PLCB4: variants seen among roughly 807,000 people sequenced by gnomAD.
The protein encoded by PLCB4 is phospholipase C beta 4, also known as 1-phosphatidylinositol 4,5-bisphosphate phosphodiesterase beta-4.
PLCB4 carries 77 observed loss-of-function variants against 178.8 expected under a neutral mutation model. The observed-to-expected ratio is 0.43, with a 90% confidence interval of 0.36 to 0.52. The LOEUF is 0.52. PLCB4 is among the 20% of genes least tolerant of loss of function. PLCB4 has a pLI of 0.00. For synonymous variants in PLCB4, 496 were observed against 490.8 expected (o/e 1.01, Z -0.14); for missense variants, 1,024 against 1,453.4 (o/e 0.70, Z 4.80).
intron 2 of PLCB4, among the ~76,000 whole-genome samples, chr20:9,200,576 C>A (rs1406830231): frequency 6.6e-6 from 1 of 152,202 alleles, no homozygotes; most frequent in East Asian, 1.9e-4. Context: ...CAATCATTGT[C>A]TTTTTCTGTG....
At chr20:9,457,635 A>G (rs2122394867) in intron 34 of PLCB4, 146 bp downstream of exon 34, 3 of 622,038 alleles carry the variant, frequency 4.8e-6, no homozygotes, top group Non-Finnish European at 8.7e-6. Context: ...AGGGGAGCCC[A>G]GGGTTCATGT....
At chr20:9,346,943 C>T (rs886283291) in intron 7 of PLCB4, among the ~76,000 whole-genome samples, 2 of 152,184 alleles carry the variant, frequency 1.3e-5, no homozygotes, top group African/African-American at 4.8e-5. Flanking sequence ...CTCTGTGGCT[C>T]CTTCTTCCTT....
chr20:9,122,177 G>T (rs1299041810), intron 2 of PLCB4, among the ~76,000 whole-genome samples: 1 of 152,076 alleles, frequency 6.6e-6, no homozygotes. Context: ...TGTAAAAGTG[G>T]TGCTTGTCGT....
intron 2 of PLCB4, among the ~76,000 whole-genome samples, chr20:9,138,186 G>A (rs1261761427): frequency 6.6e-6 from 1 of 152,062 alleles, no homozygotes. Flanking sequence ...TTTCCTGGTG[G>A]CTTGAAGATT....
chr20:9,105,403 A>C (rs2091324339), intron 2 of PLCB4, among the ~76,000 whole-genome samples: 1 of 152,058 alleles, frequency 6.6e-6, no homozygotes. Flanking sequence ...GTAATACAAA[A>C]ATATCAGATT....
chr20:9,192,098 G>A (rs139328890), intron 2 of PLCB4, among the ~76,000 whole-genome samples: 1,811 of 152,134 alleles, frequency 0.012, 37 homozygotes, highest in African/African-American at 0.041. Context: ...CTATATAATT[G>A]TGTATTTAAA....
chr20:9,091,220 A>T (rs1390853828), intron 1 of PLCB4, among the ~76,000 whole-genome samples: 1 of 37,536 alleles, frequency 2.7e-5, no homozygotes, highest in Admixed American at 2.5e-4. Flanking sequence ...TGGTAGCTTT[A>T]AAAAAAAAAC....
chr20:9,356,302 A>T (rs2034816122), intron 7 of PLCB4, among the ~76,000 whole-genome samples: 1 of 152,054 alleles, frequency 6.6e-6, no homozygotes, highest in African/African-American at 2.4e-5. Context: ...GTTTAATTAG[A>T]TCCCATTTGT....
intron 2 of PLCB4, among the ~76,000 whole-genome samples, chr20:9,098,539 G>T (rs1241844958): frequency 6.6e-6 from 1 of 151,592 alleles, no homozygotes. Context: ...GGGTGACAGA[G>T]CCCAGGAGGC....
At chr20:9,254,591 C>T (rs1026757577) in intron 3 of PLCB4, among the ~76,000 whole-genome samples, 5 of 152,104 alleles carry the variant, frequency 3.3e-5, no homozygotes, top group East Asian at 1.9e-4. Context: ...CCAGCTTCTT[C>T]GGAGGCTGAG....
Position 9,473,290 on chromosome 20 carries a change from G to C in PLCB4, c.3420G>C (p.Lys1140Asn). ...TTTTTTTTTTGCAGCTTGCCATGAA[G>C]CAGTCCAAAGAAATGGATCAGTTGA... ...FLEERKRLAM[K>N]QSKEMDQLKK... Residue 1140 changes from lysine to asparagine, a missense_variant, in exon 38 of 40, where the codon AAG becomes AAC. This residue lies in a region of PLCB4 where 264 missense variants were observed against 283.2 expected (regional missense o/e 0.93). Transcript: ENST00000378473. 6.6e-7 allele frequency: 1 copy of C among 1,508,566 alleles called. No homozygotes were observed. The highest frequency in any genetic ancestry group is 9.0e-7 in the Non-Finnish European group (1 of 1,117,152). The allele number at this position is 1,508,566 out of a possible 1,614,324, so 93.4% of individuals were successfully genotyped here. A position where few individuals can be genotyped will look rare whatever the true frequency, so the allele number is the denominator to read the frequency against.
At chr20:9,108,339 A>G (rs1306974440) in intron 2 of PLCB4, among the ~76,000 whole-genome samples, 2 of 152,044 alleles carry the variant, frequency 1.3e-5, no homozygotes, top group Non-Finnish European at 2.9e-5. Flanking sequence ...GGGTGGGGAG[A>G]TAGGGAAGAA....
intron 2 of PLCB4, among the ~76,000 whole-genome samples, chr20:9,213,412 TG>T (rs1473023257): frequency 2.0e-5 from 3 of 152,138 alleles, no homozygotes; most frequent in Non-Finnish European, 4.4e-5. Context: ...CCCAAACTGT[TG>T]GGATTACAGG....
rs542927046 is a variant in PLCB4, at chr20:9,411,234, A to T, written c.2051+146A>T. 36 of 606,470 alleles carry T rather than the reference A, an allele frequency of 5.9e-5. 2 individuals carry two copies. The South Asian group carries it at 7.1e-4, about 12-fold the overall frequency. The allele number at this position is 606,470 out of a possible 1,614,324, so 37.6% of individuals were successfully genotyped here. ...TAGAAAGAAATGAAATACCTAGAGAATATTTGCACATATACATTCTTCATC... is the reference window on the plus strand; with the variant it reads ...TAGAAAGAAATGAAATACCTAGAGATTATTTGCACATATACATTCTTCATC... On this transcript the variant is annotated intron_variant, in intron 25 of 39. Transcript: ENST00000378473.
intron 3 of PLCB4, among the ~76,000 whole-genome samples, chr20:9,290,930 A>G (rs2094574944): frequency 6.6e-6 from 1 of 152,164 alleles, no homozygotes. Flanking sequence ...TCTGTATTTT[A>G]CAGACAAGGA....
chr20:9,383,809 A>T (rs1416351843), intron 13 of PLCB4, among the ~76,000 whole-genome samples: 1 of 152,204 alleles, frequency 6.6e-6, no homozygotes, highest in East Asian at 1.9e-4. Context: ...CTTGGAAGTC[A>T]GATAGGTCCA....
intron 2 of PLCB4, among the ~76,000 whole-genome samples, chr20:9,129,992 T>A (rs1018616032): frequency 2.0e-5 from 3 of 152,152 alleles, no homozygotes; most frequent in African/African-American, 4.8e-5. Flanking sequence ...TAGTTTGTTG[T>A]TCTTGGCTCA....
intron 1 of PLCB4, among the ~76,000 whole-genome samples, chr20:9,092,567 G>C (rs779007242): frequency 6.6e-6 from 1 of 152,016 alleles, no homozygotes; most frequent in South Asian, 2.1e-4. Context: ...AGTTATTGCT[G>C]GTGTATATAT....
Position 9,331,359 on chromosome 20 carries a change from G to C in PLCB4, c.85-5767G>C, listed in dbSNP as rs58975872. On this transcript the variant is annotated intron_variant, in intron 4 of 39. Transcript: ENST00000378473. ...ATCTGGTCCAAAATAGCTGTCCCTA[G>C]CTGGTAATAAGACTTGACTATGCCC... is the stretch of plus-strand genomic sequence containing the variant. Among the ~76,000 whole-genome samples, 1,103 of 152,272 alleles carry C rather than the reference G, an allele frequency of 7.2e-3. 11 individuals are homozygous for C. The highest frequency in any genetic ancestry group is 0.025 in the African/African-American group (1,054 of 41,534).
Sources: allele counts gnomAD v4.1 joint callset (sites outside exome capture counted in the v4.1 genomes callset), GRCh38; gene constraint gnomAD v4.1.1; regional missense constraint gnomAD v4.1.1; transcripts MANE v1.5; gene names NCBI Gene and HGNC (gene_info 2026-07-23, HGNC 2026-07-21).